The following ZNF77 variants were observed in gnomAD, a reference collection of about 807,000 sequenced individuals.
The protein encoded by ZNF77 is ZNFpT1.
ZNF77 carries 15 observed loss-of-function variants against 13.5 expected under a neutral mutation model. That is an observed-to-expected ratio of 1.11 (90% CI 0.74 to 1.71). The LOEUF (loss-of-function observed/expected upper bound fraction) is 1.71. Ranked by LOEUF, ZNF77 falls within the 40% of genes most tolerant of loss-of-function variation. The probability of loss-of-function intolerance (pLI) is 0.00; values close to 1 mark genes in which losing one functional copy is unlikely to be tolerated. For missense variants in ZNF77, 717 were observed against 676.4 expected, an observed-to-expected ratio of 1.06 and a Z score of -0.67; for synonymous variants, 282 against 250.0, an observed-to-expected ratio of 1.13 and a Z score of -1.21.
At chr19:2,934,849 AATGACT>A (rs769475758) in intron 3 of ZNF77, 34 bp from the exon 4 acceptor site, 1 of 1,572,156 alleles carries the variant, frequency 6.4e-7, no homozygotes, top group East Asian at 2.3e-5. Flanking sequence ...ACTAGTCATG[AATGACT>A]ATAAGTGATT....
At chr19:2,943,530 G>A (rs2088468953) in intron 1 of ZNF77, among the ~76,000 whole-genome samples, 1 of 151,634 alleles carries the variant, frequency 6.6e-6, no homozygotes, top group Admixed American at 6.6e-5. Context: ...ACCACGAGGA[G>A]GTACATTTAC....
rs190046373 is a variant in ZNF77 at position 2,939,333 on chromosome 19, C to T, written c.78G>A (p.Arg26=). The T allele has an allele frequency of 2.7e-5, 44 of 1,614,176 alleles. No homozygotes were observed. In the East Asian group the frequency reaches 9.6e-4, roughly 35 times the overall value. The change falls in exon 2 of 4, where the codon AGG becomes AGA. Residue 26 remains arginine (R), a synonymous_variant. Coordinates refer to ENST00000314531, the MANE Select transcript of ZNF77 (RefSeq NM_021217.3). ...CCAGCATCACATCTCTGTAGAGGCT[C>T]CTCTGAGCATGATCCAGCAATGCCC... is the stretch of plus-strand genomic sequence containing the variant. The part of the protein sequence containing the change: ...EEWALLDHAQ[R]SLYRDVMLET...
At chr19:2,936,735 A>G (rs1468205577) in intron 2 of ZNF77, 31 bp from the exon 3 acceptor site, 1 of 1,579,374 alleles carries the variant, frequency 6.3e-7, no homozygotes, top group Non-Finnish European at 8.6e-7. Flanking sequence ...ATTTCTTAGG[A>G]GAAATATGTT....
At chr19:2,940,619 G>C (rs1250845862) in intron 1 of ZNF77, among the ~76,000 whole-genome samples, 1 of 150,250 alleles carries the variant, frequency 6.7e-6, no homozygotes, top group African/African-American at 2.5e-5. Context: ...GTTGCAGTGA[G>C]CCGAGATGGC....
rs1198555823 is a variant in ZNF77 at position 2,933,655 on chromosome 19, G to A, written c.1472C>T (p.Pro491Leu). The A allele has an allele frequency of 1.2e-6, 2 of 1,613,706 alleles. No individual in the cohort carries two copies. Among genetic ancestry groups the A allele is most frequent in the Admixed American group, 3.3e-5 (2 of 59,968 alleles). ...TTTCCCACATTCAGTACATTCGTAG[G>A]GTTTGACCCCACTGTGTGATCTCAC... is the stretch of plus-strand genomic sequence containing the variant. ...KHVRSHSGVKPYECTECGKAY... is the reference protein window; with the variant it reads ...KHVRSHSGVKLYECTECGKAY... The change falls in exon 4 of 4, where the codon CCC becomes CTC. Residue 491 changes from proline (P) to leucine (L), a missense_variant. By Grantham distance (98) the Pro-to-Leu change is moderately conservative (BLOSUM62 -3). Transcript: ENST00000314531.
chr19:2,936,735 A>T (rs1468205577), intron 2 of ZNF77, 31 bp from the exon 3 acceptor site: 6 of 1,579,256 alleles, frequency 3.8e-6, no homozygotes, highest in Non-Finnish European at 5.1e-6. Context: ...ATTTCTTAGG[A>T]GAAATATGTT....
intron 1 of ZNF77, among the ~76,000 whole-genome samples, chr19:2,940,815 G>A (rs188644966): frequency 6.7e-6 from 1 of 148,428 alleles, no homozygotes; most frequent in African/African-American, 2.6e-5. Context: ...CTGTTCACTT[G>A]AGGACGTTTC....
chr19:2,939,801 G>T, intron 1 of ZNF77: 1 of 204,130 alleles, frequency 4.9e-6, no homozygotes, highest in Non-Finnish European at 1.0e-5. Flanking sequence ...GTGAGATCCC[G>T]TCTCTACAAA....
At position 2,933,494 on chromosome 19, in the gene ZNF77, C is replaced by T. The variant is rs761168185; in HGVS notation, c.1633G>A (p.Ala545Thr). 8 of 1,559,640 alleles carry T rather than the reference C, an allele frequency of 5.1e-6. No individual in the cohort carries two copies. The highest frequency in any genetic ancestry group is 1.9e-5 in the Admixed American group (1 of 53,768). Residue 545 changes from alanine to threonine, a missense_variant, in exon 4 of 4, where the codon GCG (alanine) becomes ACG (threonine). Transcript: ENST00000314531. ...LQAHVRTHAGA is the reference protein window; with the variant it reads ...LQAHVRTHAGT ...GGTCCACTGTATTCGTAGATTCACGCTCCAGCATGTGTTCTCACATGTGCT... is the reference window on the plus strand; with the variant it reads ...GGTCCACTGTATTCGTAGATTCACGTTCCAGCATGTGTTCTCACATGTGCT...
chr19:2,934,700 C>CA lies in ZNF77; in HGVS notation c.426dup (p.Glu143Ter). ...AAGGCTTTGCCACACTTAGTGCACT[C>CA]AGAGGGTTTAGCTTCGGTAGGGTAA... On this transcript the variant is annotated frameshift_variant, in exon 4 of 4. Transcript: ENST00000314531. LOFTEE classifies it low-confidence loss of function (END_TRUNC). The CA allele has an allele frequency of 5.0e-6, 8 of 1,614,160 alleles. No individual in the cohort carries two copies. The highest frequency in any genetic ancestry group is 6.8e-6 in the Non-Finnish European group (8 of 1,180,030).
At chr19:2,944,368 T>C (rs1350381915) in intron 1 of ZNF77, among the ~76,000 whole-genome samples, 2 of 107,064 alleles carry the variant, frequency 1.9e-5, no homozygotes, top group Admixed American at 2.5e-4. Flanking sequence ...TTCAAACCCA[T>C]GACCGCCTCT....
intron 1 of ZNF77, among the ~76,000 whole-genome samples, chr19:2,943,132 C>G (rs1301415741): frequency 6.6e-6 from 1 of 152,060 alleles, no homozygotes; most frequent in Middle Eastern, 3.2e-3. Context: ...AGCTCTCCCC[C>G]TGCAGCTGTC....
rs115854300 is a variant in ZNF77 at position 2,938,110 on chromosome 19, C to T, written c.130+1171G>A. ...CAAACGGAACCTTCTTATCCAGAAC[C>T]CACTCCTCCCGAGGGCTGCTGCTCT... On this transcript the variant is annotated intron_variant, in intron 2 of 3. Coordinates refer to ENST00000314531, the MANE Select transcript of ZNF77 (RefSeq NM_021217.3). Among the ~76,000 whole-genome samples, 188 of 152,208 alleles carry T rather than the reference C, an allele frequency of 1.2e-3. 1 individual carries two copies. The highest frequency in any genetic ancestry group is 4.3e-3 in the African/African-American group (180 of 41,558).
rs773859557 is a variant in ZNF77 at position 2,939,404 on chromosome 19, A to G, written c.7T>C (p.Cys3Arg). The change falls in exon 2 of 4, where the codon TGC (cysteine) becomes CGC (arginine). Residue 3 changes from cysteine (C) to arginine (R), a missense_variant. By Grantham distance (180) the Cys-to-Arg change is radical. Coordinates refer to ENST00000314531, the MANE Select transcript of ZNF77 (RefSeq NM_021217.3). ...ACAGCCACTTCCTCAAAGATCACGC[A>G]GTCCTAAAACATTCCACACATCCCA... The part of the protein sequence containing the change: MD[C>R]VIFEEVAVNF... 1.2e-6 allele frequency: 2 copies of G among 1,614,070 alleles called. No individual in the cohort carries two copies. Among genetic ancestry groups the G allele is most frequent in the Non-Finnish European group, 1.7e-6 (2 of 1,179,942 alleles).
At chr19:2,942,312 C>A (rs1307403501) in intron 1 of ZNF77, among the ~76,000 whole-genome samples, 3 of 151,080 alleles carry the variant, frequency 2.0e-5, no homozygotes, top group African/African-American at 7.3e-5. Flanking sequence ...CCTTGTGATC[C>A]GCCCACCTCA....
rs2088375577 is a variant in ZNF77, at chr19:2,934,365, G to T, written c.762C>A (p.Tyr254Ter). The stretch of plus-strand genomic sequence containing the variant: ...TGTGAGTTCTTACGTGCCGTGTAAG[G>T]TAGGAGTAATACATAAAGGTCTTCC... Reference protein sequence around the residue: ...VCGKTFMYYSYLTRHVRTHTG... With the variant: ...VCGKTFMYYS The change falls in exon 4 of 4, where the codon TAC (tyrosine) becomes TAA (stop). Residue 254 changes from tyrosine (Y) to a stop codon, truncating the protein, a stop_gained. Transcript: ENST00000314531. LOFTEE classifies it low-confidence loss of function (END_TRUNC). The T allele has an allele frequency of 1.2e-6, 2 of 1,614,196 alleles. No individual in the cohort carries two copies. Among genetic ancestry groups the T allele is most frequent in the Non-Finnish European group, 8.5e-7 (1 of 1,180,042 alleles).
chr19:2,938,465 G>A (rs531522934), intron 2 of ZNF77, among the ~76,000 whole-genome samples: 28 of 152,290 alleles, frequency 1.8e-4, no homozygotes, highest in Admixed American at 1.2e-3. Flanking sequence ...TTGCCCCAAC[G>A]TGACACAGAA....
At chr19:2,935,645 T>C (rs2088390221) in intron 3 of ZNF77, among the ~76,000 whole-genome samples, 1 of 152,138 alleles carries the variant, frequency 6.6e-6, no homozygotes. Flanking sequence ...GTGTTTCTTA[T>C]AGATGAAGTT....
chr19:2,936,681 TG>T lies in ZNF77; in HGVS notation c.153del (p.Ser52ValfsTer21). ...ASLDCYIYVR[T>X]SGSSSQRDVF... ...ACGTCCCTCTGAGAACTTGATCCAC[TG>T]GTTCTAACATAAATGTAACAATCTG... is the stretch of plus-strand genomic sequence containing the variant. On this transcript the variant is annotated frameshift_variant, in exon 3 of 4. Transcript: ENST00000314531. LOFTEE classifies it high-confidence loss of function. 1 of 1,608,530 alleles carries T rather than the reference TG, an allele frequency of 6.2e-7. No individual in the cohort carries two copies. Among genetic ancestry groups the T allele is most frequent in the Non-Finnish European group, 8.5e-7 (1 of 1,178,498 alleles).
Sources: gnomAD v4.1 joint callset for allele counts (sites outside exome capture counted in the v4.1 genomes callset) on GRCh38, gnomAD v4.1.1 for gene constraint, MANE v1.5 for transcripts, NCBI Gene and HGNC (gene_info 2026-07-23, HGNC 2026-07-21) for gene names.